Variants in CAP2 observed in about 807,000 individuals in gnomAD.
CAP2 encodes the protein adenylyl cyclase-associated protein 2.
Under a neutral mutation model 57.7 loss-of-function variants are expected in CAP2, and 24 were observed. That is an observed-to-expected ratio of 0.42 (90% CI 0.30 to 0.58). The LOEUF (loss-of-function observed/expected upper bound fraction) is 0.58, where lower values mean the gene tolerates loss of function less well. CAP2 is among the 20% of genes least tolerant of loss of function. The pLI, the probability that CAP2 is intolerant of heterozygous loss-of-function variation, is 0.22. For missense variants in CAP2, 501 were observed against 590.3 expected (o/e 0.85, Z 1.57); for synonymous variants, 194 against 207.2 (o/e 0.94, Z 0.55).
chr6:17,448,485 T>G (rs758737001), intron 3 of CAP2, among the ~76,000 whole-genome samples: 5 of 152,246 alleles, frequency 3.3e-5, no homozygotes, highest in Non-Finnish European at 5.9e-5. Flanking sequence ...TATTCATGCC[T>G]GTCAGAAAAG....
chr6:17,485,270 T>C (rs1050598183), intron 4 of CAP2, among the ~76,000 whole-genome samples: 12 of 152,310 alleles, frequency 7.9e-5, no homozygotes, highest in African/African-American at 2.6e-4. Context: ...ATTTTCACAA[T>C]GTCATGCTAG....
At chr6:17,443,280 AG>A (rs1260609678) in intron 3 of CAP2, among the ~76,000 whole-genome samples, 1 of 152,118 alleles carries the variant, frequency 6.6e-6, no homozygotes, top group East Asian at 1.9e-4. Context: ...ATGCTTTTAG[AG>A]GATTGTTTCC....
At chr6:17,452,706 C>T (rs373839164) in intron 3 of CAP2, among the ~76,000 whole-genome samples, 6 of 152,256 alleles carry the variant, frequency 3.9e-5, no homozygotes, top group Admixed American at 3.9e-4. Context: ...TTTTCATAAG[C>T]AGAAGCAATC....
At chr6:17,509,395 AG>A (rs1393570923) in intron 6 of CAP2, among the ~76,000 whole-genome samples, 2 of 152,194 alleles carry the variant, frequency 1.3e-5, no homozygotes, top group African/African-American at 4.8e-5. Flanking sequence ...TATAAAAAGC[AG>A]ACCAGGTGTG....
chr6:17,473,843 C>T (rs934819923), intron 4 of CAP2, among the ~76,000 whole-genome samples: 1 of 152,110 alleles, frequency 6.6e-6, no homozygotes, highest in Non-Finnish European at 1.5e-5. Flanking sequence ...AGTGAGGGCT[C>T]GATTGAAGCT....
chr6:17,502,929 T>A (rs1761864579), intron 4 of CAP2, among the ~76,000 whole-genome samples: 1 of 152,208 alleles, frequency 6.6e-6, no homozygotes, highest in Admixed American at 6.5e-5. Context: ...GATCAGGTGT[T>A]GTATTTGGAC....
At chr6:17,531,450 T>G in intron 7 of CAP2, 1 of 1,529,464 alleles carries the variant, frequency 6.5e-7, no homozygotes, top group South Asian at 1.1e-5. Flanking sequence ...GTTCTGTACA[T>G]CTGCCTATAT....
chr6:17,461,248 C>G (rs1355992819), intron 3 of CAP2, among the ~76,000 whole-genome samples: 5 of 150,030 alleles, frequency 3.3e-5, no homozygotes, highest in African/African-American at 1.2e-4. Flanking sequence ...GAGACGTAGT[C>G]TCCCTCTGTC....
chr6:17,433,345 T>C (rs1269845821), intron 3 of CAP2, among the ~76,000 whole-genome samples: 1 of 152,260 alleles, frequency 6.6e-6, no homozygotes, highest in Non-Finnish European at 1.5e-5. Context: ...CTAAAAGGAC[T>C]GTAGGCCTCC....
intron 5 of CAP2, 77 bp from the exon 6 acceptor site, chr6:17,507,561 TTTC>T (rs1414011390): frequency 3.2e-6 from 3 of 943,198 alleles, no homozygotes; most frequent in Non-Finnish European, 3.5e-6. Context: ...CTCCATTGCT[TTTC>T]TTCTTCTTTA....
At chr6:17,431,114 T>C (rs921458055) in intron 3 of CAP2, among the ~76,000 whole-genome samples, 5 of 152,012 alleles carry the variant, frequency 3.3e-5, no homozygotes, top group African/African-American at 4.8e-5. Context: ...GAACACGTGG[T>C]CACAAAGAAG....
At chr6:17,455,100 A>G (rs1302392905) in intron 3 of CAP2, among the ~76,000 whole-genome samples, 1 of 152,174 alleles carries the variant, frequency 6.6e-6, no homozygotes, top group African/African-American at 2.4e-5. Context: ...CGCTAAAATA[A>G]TAATTGGTCT....
intron 3 of CAP2, among the ~76,000 whole-genome samples, chr6:17,454,074 C>G (rs1022606504): frequency 3.3e-5 from 5 of 151,538 alleles, no homozygotes; most frequent in African/African-American, 1.2e-4. Flanking sequence ...CCATGCCTGG[C>G]TAATTTTTTA....
In CAP2 at chr6:17,420,691, G is replaced by A. The variant is rs1417136919; in HGVS notation, c.-1-864G>A. Among the ~76,000 whole-genome samples the A allele has an allele frequency of 4.6e-5, 7 of 152,280 alleles. No homozygotes were observed. In the East Asian group the frequency reaches 1.2e-3, roughly 25 times the overall value. On this transcript the variant is annotated intron_variant, in intron 1 of 12. Transcript: ENST00000229922. The stretch of plus-strand genomic sequence containing the variant: ...TATATGTTTTGTGGGCTTTTAAAAA[G>A]TTAAGTGCTGTACATAGATTGTGTC...
intron 3 of CAP2, among the ~76,000 whole-genome samples, chr6:17,435,723 A>C (rs1287678613): frequency 8.5e-4 from 126 of 148,444 alleles, no homozygotes; most frequent in Admixed American, 3.6e-3. Context: ...CGGATAAAAA[A>C]AAAAAAAAAC....
At chr6:17,426,857 C>A (rs542816429) in intron 3 of CAP2, among the ~76,000 whole-genome samples, 167 bp downstream of exon 3, 1 of 152,098 alleles carries the variant, frequency 6.6e-6, no homozygotes, top group Non-Finnish European at 1.5e-5. Flanking sequence ...TTTAATTGTT[C>A]CTGCAAGGCC....
chr6:17,521,413 G>A (rs866612558), intron 7 of CAP2, among the ~76,000 whole-genome samples: 11 of 151,660 alleles, frequency 7.3e-5, no homozygotes, highest in Admixed American at 2.0e-4. Context: ...GCGAGACTCC[G>A]TCTCAGAAAA....
rs1366562265 is a variant in CAP2, at chr6:17,551,619, A to G, written c.1350+15A>G. The G allele has an allele frequency of 1.9e-6, 3 of 1,555,908 alleles. No homozygotes were observed. The highest frequency in any genetic ancestry group is 2.6e-6 in the Non-Finnish European group (3 of 1,149,724). The stretch of plus-strand genomic sequence containing the variant: ...ATGGTGATTATGTAAGTACCTTTCA[A>G]AAGGCTGTCAAGAATTTTTCTGGAG... On this transcript the variant is annotated intron_variant, in intron 12 of 12. Coordinates refer to ENST00000229922, the MANE Select transcript of CAP2 (RefSeq NM_006366.3).
At chr6:17,420,148 G>T (rs778847530) in intron 1 of CAP2, among the ~76,000 whole-genome samples, 1 of 152,164 alleles carries the variant, frequency 6.6e-6, no homozygotes, top group Non-Finnish European at 1.5e-5. Flanking sequence ...GGGATTACAG[G>T]CGTGAGCCAC....
Sources: gnomAD v4.1 joint callset for allele counts (sites outside exome capture counted in the v4.1 genomes callset) on GRCh38, gnomAD v4.1.1 for gene constraint, MANE v1.5 for transcripts, NCBI Gene and HGNC (gene_info 2026-07-23, HGNC 2026-07-21) for gene names.